Variants in ANKMY1 observed in about 807,000 individuals in gnomAD.
ANKMY1 encodes ankyrin repeat and MYND domain containing 1.
ANKMY1 carries 98 observed loss-of-function variants against 102.0 expected under a neutral mutation model. The ratio of observed to expected loss-of-function variants is 0.96; its 90% confidence interval spans 0.82 to 1.14. The LOEUF (loss-of-function observed/expected upper bound fraction) is 1.14. ANKMY1 is among the 50% of genes most tolerant of loss of function. The pLI, the probability that ANKMY1 is intolerant of heterozygous loss-of-function variation, is 0.00. For missense variants in ANKMY1, 1,330 were observed against 1,347.6 expected (o/e 0.99, Z 0.20); for synonymous variants, 582 against 559.9 (o/e 1.04, Z -0.56).
intron 15 of ANKMY1, among the ~76,000 whole-genome samples, chr2:240,486,620 A>G (rs943931869): frequency 4.6e-5 from 7 of 152,240 alleles, no homozygotes; most frequent in Non-Finnish European, 8.8e-5. Context: ...CTTGCTGGAT[A>G]TAAGATTCTC....
At chr2:240,471,588 AAAC>A in the ANKMY1 span, among the ~76,000 whole-genome samples, 1 of 152,190 alleles carries the variant, frequency 6.6e-6, no homozygotes, top group Non-Finnish European at 1.5e-5. Context: ...TAAAAAGAAA[AAAC>A]AAGGAGATTG....
downstream of ANKMY1, among the ~76,000 whole-genome samples, chr2:240,476,936 G>T (rs1340986469): frequency 6.6e-6 from 1 of 152,216 alleles, no homozygotes; most frequent in South Asian, 2.1e-4. Flanking sequence ...CAAACTGCAA[G>T]ACAGTTATTT....
intron 1 of ANKMY1, among the ~76,000 whole-genome samples, chr2:240,557,557 C>T (rs56323635): frequency 6.6e-6 from 1 of 152,214 alleles, no homozygotes; most frequent in East Asian, 1.9e-4. Context: ...CATGGGTAAA[C>T]TTCACCCGCG....
intron 4 of ANKMY1, among the ~76,000 whole-genome samples, chr2:240,543,825 C>T (rs1297046540): frequency 6.6e-6 from 1 of 151,916 alleles, no homozygotes; most frequent in Non-Finnish European, 1.5e-5. Context: ...AAGTCATTTC[C>T]AATGAAGAAA....
the ANKMY1 span, among the ~76,000 whole-genome samples, chr2:240,469,273 C>T: frequency 1.3e-5 from 2 of 152,164 alleles, no homozygotes; most frequent in Non-Finnish European, 2.9e-5. Flanking sequence ...GAGCCGACAC[C>T]ACGCCAGGAG....
In ANKMY1 at chr2:240,550,079, T is replaced by C. The variant is rs1028999892; in HGVS notation, c.480+2835A>G. Among the ~76,000 whole-genome samples the C allele has an allele frequency of 2.1e-3, 318 of 151,894 alleles. 1 individual carries two copies. The highest frequency in any genetic ancestry group is 3.9e-3 in the Non-Finnish European group (264 of 67,930). On this transcript the variant is annotated intron_variant, in intron 4 of 17. Transcript: ENST00000401804. Reference sequence around the variant, plus strand: ...GACACATGCACACGTATGTTTATTGTGGCATTATTCACAATAGCAAAGACT... The same window carrying C: ...GACACATGCACACGTATGTTTATTGCGGCATTATTCACAATAGCAAAGACT...
chr2:240,520,409 G>A lies in ANKMY1; in HGVS notation c.1957C>T (p.Leu653=). ...GTCCTCGCCCCGTGCTCCAGCAGCA[G>A]CCTCACCCCATCCACGTCCCCGGCC... ...VKAGDVDGVR[L]LLEHGARTDI... is the part of the protein sequence containing the mutation. Residue 653 remains leucine, a synonymous_variant, in exon 9 of 18, where the codon CTG becomes TTG. Transcript: ENST00000401804. The surrounding 1 kb of genome is among the most constrained non-coding windows in gnomAD (Gnocchi z 4.8). 6.2e-7 allele frequency: 1 copy of A among 1,604,572 alleles called. No individual in the cohort carries two copies. Among genetic ancestry groups the A allele is most frequent in the Non-Finnish European group, 8.5e-7 (1 of 1,175,800 alleles).
At chr2:240,516,720 T>C (rs1231718492) in intron 9 of ANKMY1, among the ~76,000 whole-genome samples, 3 of 152,234 alleles carry the variant, frequency 2.0e-5, no homozygotes, top group Non-Finnish European at 4.4e-5. Context: ...TGGAAAGGAC[T>C]ATTGAATGCA....
intron 4 of ANKMY1, among the ~76,000 whole-genome samples, chr2:240,534,037 C>T (rs2086125813): frequency 6.6e-6 from 1 of 152,348 alleles, no homozygotes; most frequent in East Asian, 1.9e-4. Flanking sequence ...TGAAATCTCA[C>T]AGCATCCTGC....
At chr2:240,532,026 C>A in intron 4 of ANKMY1, 1 of 444,718 alleles carries the variant, frequency 2.2e-6, no homozygotes, top group Non-Finnish European at 4.7e-6. Flanking sequence ...TCTAACATAC[C>A]TGCAATTCGA....
At chr2:240,554,651 CA>C in intron 3 of ANKMY1, 1 of 567,418 alleles carries the variant, frequency 1.8e-6, no homozygotes, top group East Asian at 2.8e-5. Context: ...CACAGCTTCC[CA>C]AACCTCATCC....
At chr2:240,531,874 T>C (rs1167265796) in intron 4 of ANKMY1, among the ~76,000 whole-genome samples, 3 of 152,206 alleles carry the variant, frequency 2.0e-5, no homozygotes, top group African/African-American at 7.2e-5. Flanking sequence ...CAGTAAATCA[T>C]GTTGCATGCA....
Position 240,516,150 on chromosome 2 carries a change from G to GTTT in ANKMY1, c.2005-3211_2005-3209dup, listed in dbSNP as rs386393036. On this transcript the variant is annotated intron_variant, in intron 9 of 17. Coordinates refer to ENST00000401804, the MANE Select transcript of ANKMY1 (RefSeq NM_001282771.3). ...ATCAAAGAGTAAAGGTTTTTGTGGG[G>GTTT]TTTTTTTTTTTTTGAAATATTTGAA... is the stretch of plus-strand genomic sequence containing the variant. Among the ~76,000 whole-genome samples the GTTT allele has an allele frequency of 3.9e-3, 569 of 145,200 alleles. 2 individuals carry two copies. Among genetic ancestry groups the GTTT allele is most frequent in the East Asian group, 0.018 (92 of 5,000 alleles).
chr2:240,494,274 G>A (rs2076978791), intron 15 of ANKMY1, among the ~76,000 whole-genome samples: 2 of 152,154 alleles, frequency 1.3e-5, no homozygotes, highest in Admixed American at 6.5e-5. Context: ...GCCAACTTTG[G>A]TGGCCACAGC....
At chr2:240,503,711 C>T (rs1049148188) in intron 13 of ANKMY1, among the ~76,000 whole-genome samples, 14 of 152,240 alleles carry the variant, frequency 9.2e-5, no homozygotes, top group South Asian at 8.3e-4. Context: ...CTGAAAACGC[C>T]GAAGCCATGT....
chr2:240,559,891 AGAC>A (rs2092797737), upstream of ANKMY1, among the ~76,000 whole-genome samples: 1 of 152,256 alleles, frequency 6.6e-6, no homozygotes, highest in Non-Finnish European at 1.5e-5. Context: ...AGGGCTGTTG[AGAC>A]AGTTGCTTTT....
intron 15 of ANKMY1, among the ~76,000 whole-genome samples, chr2:240,489,529 G>T (rs779180759): frequency 1.3e-5 from 2 of 152,026 alleles, no homozygotes; most frequent in African/African-American, 4.8e-5. Flanking sequence ...CATCTATTGA[G>T]ATGGTTATAT....
chr2:240,530,526 G>A (rs371421661), intron 4 of ANKMY1, among the ~76,000 whole-genome samples: 2 of 152,140 alleles, frequency 1.3e-5, no homozygotes, highest in Non-Finnish European at 2.9e-5. Context: ...CAACATGACC[G>A]GAAGCTTCTT....
chr2:240,521,893 A>G (rs1443547838), intron 8 of ANKMY1: 1 of 152,166 alleles, frequency 6.6e-6, no homozygotes, highest in East Asian at 1.9e-4. Flanking sequence ...GTGGACCTTC[A>G]CTGGCAAGTG....
Sources: gnomAD v4.1 joint callset for allele counts (sites outside exome capture counted in the v4.1 genomes callset) on GRCh38, gnomAD v4.1.1 for gene constraint, Gnocchi (gnomAD v3.1) non-coding constraint, MANE v1.5 for transcripts, NCBI Gene and HGNC (gene_info 2026-07-23, HGNC 2026-07-21) for gene names.